DRC7: variants seen among roughly 807,000 people sequenced by gnomAD.
The protein encoded by DRC7 is dynein regulatory complex subunit 7.
DRC7 carries 80 observed loss-of-function variants against 104.4 expected under a neutral mutation model. That is an observed-to-expected ratio of 0.77 (90% CI 0.64 to 0.92). DRC7 has a LOEUF of 0.92. Ranked by LOEUF, DRC7 falls within the 40% of genes least tolerant of loss-of-function variation. DRC7 has a pLI of 0.00. For synonymous variants in DRC7, 405 were observed against 447.3 expected (o/e 0.91, Z 1.19); for missense variants, 1,034 against 1,141.1 (o/e 0.91, Z 1.35).
chr16:57,695,546 T>C (rs1409554421), intron 1 of DRC7, among the ~76,000 whole-genome samples: 2 of 152,204 alleles, frequency 1.3e-5, no homozygotes, highest in Non-Finnish European at 2.9e-5. Context: ...TGACTGCCCT[T>C]CCTGGGCTCA....
chr16:57,701,162 AGT>A (rs1431983806), intron 5 of DRC7, among the ~76,000 whole-genome samples: 3 of 152,214 alleles, frequency 2.0e-5, no homozygotes, highest in Admixed American at 6.5e-5. Context: ...GCAGGGGCCT[AGT>A]ATATCCTGGG....
At chr16:57,724,406 C>T (rs748676335) in intron 12 of DRC7, among the ~76,000 whole-genome samples, 5 of 151,648 alleles carry the variant, frequency 3.3e-5, no homozygotes, top group Non-Finnish European at 7.4e-5. Flanking sequence ...AAAAAATGCA[C>T]GATGCAGATG....
chr16:57,714,732 GT>G, intron 8 of DRC7: 1 of 248,956 alleles, frequency 4.0e-6, no homozygotes. Flanking sequence ...TCACAGCACT[GT>G]TTGCCAGTAT....
At chr16:57,704,752 G>A in intron 6 of DRC7, 124 bp from the exon 7 acceptor site, 1 of 1,100,692 alleles carries the variant, frequency 9.1e-7, no homozygotes, top group Non-Finnish European at 1.3e-6. Context: ...AAAGGCCACA[G>A]GCTACAGGAG....
At position 57,728,611 on chromosome 16, in the gene DRC7, G is replaced by A. The variant is rs755018997; in HGVS notation, c.2391+27G>A. On this transcript the variant is annotated intron_variant, in intron 17 of 18. Coordinates refer to ENST00000360716, the MANE Select transcript of DRC7 (RefSeq NM_001289162.2). ...TGCCACCAGGGCCTTTGTTGGGGAG[G>A]GGGGGATCTCAGCATCTGCATCCAG... is the stretch of plus-strand genomic sequence containing the variant. The A allele has an allele frequency of 5.9e-6, 9 of 1,531,294 alleles. No individual in the cohort carries two copies. The African/African-American group carries it at 9.7e-5, about 17-fold the overall frequency. 94.9% of individuals were successfully genotyped at this position (1,531,294 alleles called of 1,614,324 possible). A position where few individuals can be genotyped will look rare whatever the true frequency, so the allele number is the denominator to read the frequency against.
At chr16:57,706,787 C>T (rs1249616681) in intron 7 of DRC7, among the ~76,000 whole-genome samples, 1 of 141,376 alleles carries the variant, frequency 7.1e-6, no homozygotes, top group African/African-American at 2.6e-5. Flanking sequence ...CACTCATCCT[C>T]CCATCCATCC....
At position 57,723,287 on chromosome 16, in the gene DRC7, C is replaced by T. The variant is rs144292163; in HGVS notation, c.1537+157C>T. ...AAGCTGCCCTGCCTCCCTCAGCAAA[C>T]CCGATGTGTGGGAGGTCAGGGAAAG... On this transcript the variant is annotated intron_variant, in intron 12 of 18. Coordinates refer to ENST00000360716, the MANE Select transcript of DRC7 (RefSeq NM_001289162.2). Among the ~76,000 whole-genome samples the T allele has an allele frequency of 3.5e-3, 536 of 152,280 alleles. 3 individuals carry two copies. Among genetic ancestry groups the T allele is most frequent in the Non-Finnish European group, 5.9e-3 (403 of 68,024 alleles).
In DRC7 at chr16:57,702,701, T is replaced by C. The variant is rs546349322; in HGVS notation, c.699+571T>C. On this transcript the variant is annotated intron_variant, in intron 6 of 18. Transcript: ENST00000360716. ...CTGTAGTCCCAGTTACTCAGGAGGC[T>C]GAGACAGGAGAATCACTTGAAACCC... 2.0e-3 allele frequency among the ~76,000 whole-genome samples: 310 copies of C among 152,224 alleles called. 1 individual carries two copies. The highest frequency in any genetic ancestry group is 7.2e-3 in the African/African-American group (297 of 41,520).
intron 17 of DRC7, 79 bp downstream of exon 17, chr16:57,728,663 C>T: frequency 8.1e-7 from 1 of 1,235,646 alleles, no homozygotes; most frequent in Non-Finnish European, 1.1e-6. Context: ...TGTCCGCCCA[C>T]TACCTCACAG....
At chr16:57,728,664 T>C in intron 17 of DRC7, 80 bp downstream of exon 17, 1 of 1,213,774 alleles carries the variant, frequency 8.2e-7, no homozygotes, top group Non-Finnish European at 1.1e-6. Context: ...GTCCGCCCAC[T>C]ACCTCACAGG....
intron 8 of DRC7, among the ~76,000 whole-genome samples, chr16:57,715,677 G>T (rs2048835109): frequency 6.6e-6 from 1 of 152,204 alleles, no homozygotes; most frequent in Non-Finnish European, 1.5e-5. Flanking sequence ...GGAAACTGAG[G>T]CCAAGTAAAG....
At chr16:57,720,203 T>G (rs1264029986) in intron 9 of DRC7, among the ~76,000 whole-genome samples, 2 of 152,230 alleles carry the variant, frequency 1.3e-5, no homozygotes, top group Admixed American at 1.3e-4. Context: ...ACAGAGAGGT[T>G]AAGTCACTTA....
intron 12 of DRC7, 77 bp from the exon 13 acceptor site, chr16:57,724,538 G>C: frequency 2.9e-6 from 3 of 1,043,302 alleles, no homozygotes; most frequent in Non-Finnish European, 2.8e-6. Context: ...TGGGCCTGGG[G>C]TTGGGCGACC....
Position 57,701,925 on chromosome 16 carries a change from A to G in DRC7, c.505-11A>G. On this transcript the variant is annotated splice_polypyrimidine_tract_variant and intron_variant, in intron 5 of 18. Transcript: ENST00000360716. ...GGGCCCCAGCTGTGCTGACCGTCCC[A>G]CTGTGACCAGCCCTCGCACCTGTAC... The G allele has an allele frequency of 6.2e-7, 1 of 1,612,050 alleles. No individual in the cohort carries two copies. Among genetic ancestry groups the G allele is most frequent in the South Asian group, 1.1e-5 (1 of 90,966 alleles).
At position 57,698,121 on chromosome 16, in the gene DRC7, G is replaced by A; in HGVS notation, c.172G>A (p.Glu58Lys). Reference sequence around the variant, plus strand: ...CAGAGACCTGGAGAAGAAGCTGTCAGAGATCCAGATCACTGTCTCAGCGGA... The same window carrying A: ...CAGAGACCTGGAGAAGAAGCTGTCAAAGATCCAGATCACTGTCTCAGCGGA... ...TLRDLEKKLSEIQITVSAELP... is the reference protein window; with the variant it reads ...TLRDLEKKLSKIQITVSAELP... The change falls in exon 3 of 19, where the codon GAG becomes AAG. Residue 58 changes from glutamate to lysine, a missense_variant. Transcript: ENST00000360716. 1 of 1,614,184 alleles carries A rather than the reference G, an allele frequency of 6.2e-7. No individual in the cohort carries two copies. Among genetic ancestry groups the A allele is most frequent in the East Asian group, 2.2e-5 (1 of 44,884 alleles).
Position 57,707,579 on chromosome 16 carries a change from T to C in DRC7, c.978T>C (p.His326=). The C allele has an allele frequency of 6.2e-7, 1 of 1,613,572 alleles. No individual in the cohort carries two copies. The highest frequency in any genetic ancestry group is 8.5e-7 in the Non-Finnish European group (1 of 1,180,016). ...ENFFIDPFTG[H]SYSTQDEHFL... The stretch of plus-strand genomic sequence containing the variant: ...TCTTCATCGACCCATTCACAGGACA[T>C]AGCTACAGCACCCAGGATGAGCACT... Residue 326 remains histidine, a synonymous_variant, in exon 8 of 19, where the codon CAT becomes CAC. Coordinates refer to ENST00000360716, the MANE Select transcript of DRC7 (RefSeq NM_001289162.2).
chr16:57,731,459 G>A lies in DRC7; in HGVS notation c.*201G>A. Reference sequence around the variant, plus strand: ...TAAACACACTCTTAATTTGCCATTTGTGCCTTGCGCTTCACAAGCTCCAGC... The same window carrying A: ...TAAACACACTCTTAATTTGCCATTTATGCCTTGCGCTTCACAAGCTCCAGC... On this transcript the variant is annotated 3_prime_UTR_variant, in exon 19 of 19. Coordinates refer to ENST00000360716, the MANE Select transcript of DRC7 (RefSeq NM_001289162.2). 2 of 587,814 alleles carry A rather than the reference G, an allele frequency of 3.4e-6. No homozygotes were observed. Among genetic ancestry groups the A allele is most frequent in the East Asian group, 5.7e-5 (2 of 35,264 alleles). 36.4% of individuals were successfully genotyped at this position (587,814 alleles called of 1,614,324 possible).
At chr16:57,730,906 T>A in intron 17 of DRC7, 25 bp from the exon 18 acceptor site, 1 of 1,611,490 alleles carries the variant, frequency 6.2e-7, no homozygotes, top group Non-Finnish European at 8.5e-7. Context: ...TCAGTCCTCC[T>A]TCTCTGTCTG....
chr16:57,714,466 A>C (rs905903328), intron 8 of DRC7: 13 of 155,910 alleles, frequency 8.3e-5, no homozygotes, highest in African/African-American at 3.1e-4. Context: ...ATAAAAAAAA[A>C]TTCAAAAAAA....
Sources: allele counts gnomAD v4.1 joint callset (sites outside exome capture counted in the v4.1 genomes callset), GRCh38; gene constraint gnomAD v4.1.1; transcripts MANE v1.5; gene names NCBI Gene and HGNC (gene_info 2026-07-23, HGNC 2026-07-21).